MAPDA: variants seen among roughly 807,000 people sequenced by gnomAD.
MAPDA encodes N6,N6-dimethyl-AMP deaminase.
At chr15:43,348,211 A>G in the MAPDA span, among the ~76,000 whole-genome samples, 2 of 152,378 alleles carry the variant, frequency 1.3e-5, no homozygotes, top group African/African-American at 2.4e-5. Context: ...TGGTATGTAC[A>G]TAGCCAGCCT....
chr15:43,333,000 G>A, the MAPDA span, among the ~76,000 whole-genome samples: 5 of 152,240 alleles, frequency 3.3e-5, no homozygotes, highest in Middle Eastern at 3.4e-3. Flanking sequence ...TGATTGCTTA[G>A]TTGCTTTTTA....
chr15:43,345,816 T>A, the MAPDA span: 6 of 1,612,822 alleles, frequency 3.7e-6, no homozygotes, highest in Non-Finnish European at 4.2e-6. Context: ...TTCATCTGTG[T>A]CATATTAGTT....
At chr15:43,342,882 G>T in the MAPDA span, 6 of 743,296 alleles carry the variant, frequency 8.1e-6, no homozygotes, top group Non-Finnish European at 1.3e-5. Context: ...CTTTAACTAT[G>T]CCCTTGTCAT....
At chr15:43,346,079 CA>C in the MAPDA span, 1 of 1,456,732 alleles carries the variant, frequency 6.9e-7, no homozygotes, top group Non-Finnish European at 9.5e-7. Context: ...CCAGAGTGTC[CA>C]ACAGACACTC....
the MAPDA span, chr15:43,350,799 G>A: frequency 1.8e-4 from 123 of 683,466 alleles, no homozygotes; most frequent in Middle Eastern, 1.6e-3. Flanking sequence ...ATTTTCACAC[G>A]TAAGGAAAGG....
chr15:43,337,232 C>T, the MAPDA span, among the ~76,000 whole-genome samples: 4 of 147,190 alleles, frequency 2.7e-5, no homozygotes, highest in East Asian at 7.9e-4. Flanking sequence ...GCCGAGATCG[C>T]GCCACCGCAC....
At chr15:43,335,799 A>G in the MAPDA span, 20 of 1,613,624 alleles carry the variant, frequency 1.2e-5, no homozygotes, top group Non-Finnish European at 1.7e-5. Flanking sequence ...ACTGTGATTG[A>G]CAAGGGAAAG....
chr15:43,348,672 C>T, the MAPDA span, among the ~76,000 whole-genome samples: 2 of 152,044 alleles, frequency 1.3e-5, no homozygotes, highest in African/African-American at 2.4e-5. Context: ...TGTGAAAAGG[C>T]ACAAAGTAGG....
the MAPDA span, among the ~76,000 whole-genome samples, chr15:43,333,857 G>C: frequency 6.6e-6 from 1 of 152,216 alleles, no homozygotes; most frequent in African/African-American, 2.4e-5. Context: ...AGTCAAGGTG[G>C]CTAGTTTGAA....
chr15:43,331,660 C>G, the MAPDA span, among the ~76,000 whole-genome samples: 8 of 152,118 alleles, frequency 5.3e-5, no homozygotes, highest in African/African-American at 1.9e-4. Context: ...GATAAAGATT[C>G]GGTAATTGAA....
At chr15:43,338,535 A>G in the MAPDA span, among the ~76,000 whole-genome samples, 3 of 152,262 alleles carry the variant, frequency 2.0e-5, no homozygotes, top group East Asian at 3.8e-4. Context: ...TGGCAGTACT[A>G]TCTGGTTGCA....
the MAPDA span, among the ~76,000 whole-genome samples, chr15:43,341,334 A>C: frequency 6.6e-6 from 1 of 152,212 alleles, no homozygotes; most frequent in African/African-American, 2.4e-5. Flanking sequence ...AGAAGAGCCA[A>C]CTCATAGGGC....
chr15:43,337,556 G>A, the MAPDA span, among the ~76,000 whole-genome samples: 1,543 of 152,262 alleles, frequency 0.01, 30 homozygotes, highest in African/African-American at 0.035. Flanking sequence ...GACTAGGATG[G>A]CATTTTAAAA....
At chr15:43,334,633 T>TATATATATATATATATA in the MAPDA span, among the ~76,000 whole-genome samples, 1 of 65,170 alleles carries the variant, frequency 1.5e-5, no homozygotes, top group African/African-American at 3.3e-5. Flanking sequence ...CTCAAAAAAA[T>TATATATATATATATATA]TATATATATA....
chr15:43,334,707 C>T, the MAPDA span, among the ~76,000 whole-genome samples: 3 of 131,324 alleles, frequency 2.3e-5, no homozygotes, highest in Admixed American at 1.7e-4. Context: ...TTTTTGAAGT[C>T]GTTGTATAGA....
the MAPDA span, among the ~76,000 whole-genome samples, chr15:43,338,063 G>A: frequency 6.6e-6 from 1 of 152,192 alleles, no homozygotes; most frequent in South Asian, 2.1e-4. Flanking sequence ...GTGTTATAGA[G>A]CAAAATGATT....
chr15:43,349,206 G>T, the MAPDA span: 2 of 1,421,750 alleles, frequency 1.4e-6, no homozygotes, highest in Non-Finnish European at 9.2e-7. Context: ...AAAACAGAAA[G>T]CTTTAGCTTC....
chr15:43,331,282 C>T, the MAPDA span, among the ~76,000 whole-genome samples: 12 of 152,164 alleles, frequency 7.9e-5, no homozygotes, highest in Admixed American at 7.9e-4. Flanking sequence ...AAAGGGGAGT[C>T]ACTGAAGAGA....
At chr15:43,337,156 G>C in the MAPDA span, among the ~76,000 whole-genome samples, 1 of 151,164 alleles carries the variant, frequency 6.6e-6, no homozygotes, top group Admixed American at 6.6e-5. Context: ...GGTGCCTGTA[G>C]TCCCAGCTAC....
Sources: allele counts gnomAD v4.1 joint callset (sites outside exome capture counted in the v4.1 genomes callset), GRCh38; gene constraint gnomAD v4.1.1; transcripts MANE v1.5; gene names NCBI Gene and HGNC (gene_info 2026-07-23, HGNC 2026-07-21).